The following KIF4A variants were observed in gnomAD, a reference collection of about 807,000 sequenced individuals.
KIF4A encodes the protein chromosome-associated kinesin KIF4A.
A neutral mutation model predicts 105.9 loss-of-function variants in KIF4A; 7 were observed. That is an observed-to-expected ratio of 0.07 (90% CI 0.04 to 0.12). The LOEUF (loss-of-function observed/expected upper bound fraction) is 0.12, where lower values mean the gene tolerates loss of function less well. Ranked by LOEUF, KIF4A falls within the 10% of genes least tolerant of loss-of-function variation. The probability of loss-of-function intolerance (pLI) is 1.00; values close to 1 mark genes in which losing one functional copy is unlikely to be tolerated. For synonymous variants in KIF4A, 281 were observed against 331.3 expected, an observed-to-expected ratio of 0.85 and a Z score of 1.65; for missense variants, 558 against 929.2, an observed-to-expected ratio of 0.60 and a Z score of 5.19.
intron 15 of KIF4A, among the ~76,000 whole-genome samples, chrX:70,373,435 G>A (rs2086149168): frequency 1.1e-5 from 1 of 88,157 alleles, no homozygotes; most frequent in Non-Finnish European, 2.2e-5. Context: ...TGTAATCCTA[G>A]CACTTTGGGA....
At chrX:70,401,557 C>T (rs988148208) in intron 22 of KIF4A, among the ~76,000 whole-genome samples, 3 of 109,594 alleles carry the variant, frequency 2.7e-5, no homozygotes, top group African/African-American at 1.0e-4. Context: ...CCCACCACCA[C>T]GCCTGGCTAA....
intron 13 of KIF4A, among the ~76,000 whole-genome samples, chrX:70,349,329 T>C (rs1314375079): frequency 6.2e-3 from 249 of 40,030 alleles, no homozygotes; most frequent in Non-Finnish European, 6.6e-3. Flanking sequence ...CGGGCAGAGG[T>C]GCTCCTCACT....
chrX:70,360,425 C>T (rs2086070315), intron 15 of KIF4A, among the ~76,000 whole-genome samples: 1 of 112,366 alleles, frequency 8.9e-6, no homozygotes, highest in South Asian at 3.7e-4. Context: ...CCTCAGCAGG[C>T]CGAGCCTTGG....
intron 14 of KIF4A, 115 bp downstream of exon 14, chrX:70,352,771 G>A: frequency 2.1e-6 from 1 of 467,652 alleles, no homozygotes; most frequent in Non-Finnish European, 3.7e-6. Flanking sequence ...TAGAATGCCT[G>A]TTAAATCCAG....
chrX:70,306,437 G>T (rs1231384638), intron 7 of KIF4A, among the ~76,000 whole-genome samples: 2 of 112,455 alleles, frequency 1.8e-5, no homozygotes, highest in African/African-American at 6.5e-5. Context: ...GACCCACTTG[G>T]GAAGTATTGC....
intron 7 of KIF4A, among the ~76,000 whole-genome samples, chrX:70,318,474 A>G (rs189683487): frequency 1.3e-4 from 15 of 111,904 alleles, no homozygotes; most frequent in African/African-American, 4.9e-4. Context: ...AACAACGCCC[A>G]TATGAACCTT....
rs763187169 is a variant in KIF4A, at chrX:70,362,779, G to A, written c.1674+8972G>A. On this transcript the variant is annotated intron_variant, in intron 15 of 30. Transcript: ENST00000374403. ...ACTCCTGACCTTAGGTTATCTGCCC[G>A]CCTCGGCCTCCCAAAGTGCTGGCAT... Among the ~76,000 whole-genome samples the A allele has an allele frequency of 8.1e-5, 9 of 111,533 alleles. No individual in the cohort carries two copies. The South Asian group carries it at 1.5e-3, about 19-fold the overall frequency.
chrX:70,295,077 G>T lies in KIF4A; in HGVS notation c.236-1921G>T, dbSNP rs192823868. Among the ~76,000 whole-genome samples, 11 of 112,281 alleles carry T rather than the reference G, an allele frequency of 9.8e-5. No individual in the cohort carries two copies. In the East Asian group the frequency reaches 3.1e-3, roughly 31 times the overall value. On this transcript the variant is annotated intron_variant, in intron 3 of 30. Transcript: ENST00000374403. ...AGACCTTGTCTCAAAAAACCGGGGA[G>T]GGGGAGTGCTGAGTAACTAGTAATC...
At chrX:70,305,339 C>T (rs774289792) in intron 7 of KIF4A, among the ~76,000 whole-genome samples, 313 of 111,621 alleles carry the variant, frequency 2.8e-3, no homozygotes, top group African/African-American at 9.8e-3. Flanking sequence ...GCATTCACTC[C>T]TTATTTCCCC....
chrX:70,371,204 C>T (rs886217224), intron 15 of KIF4A, among the ~76,000 whole-genome samples: 2 of 104,566 alleles, frequency 1.9e-5, no homozygotes, highest in South Asian at 4.5e-4. Flanking sequence ...GGGTTTTCCA[C>T]TGTCAAACTT....
At chrX:70,351,559 TAAAG>T (rs2086030568) in intron 13 of KIF4A, among the ~76,000 whole-genome samples, 1 of 111,083 alleles carries the variant, frequency 9.0e-6, no homozygotes, top group African/African-American at 3.3e-5. Flanking sequence ...GATGATCAGA[TAAAG>T]AAAATGTGGT....
intron 7 of KIF4A, among the ~76,000 whole-genome samples, chrX:70,320,544 C>T (rs1309374031): frequency 2.7e-5 from 3 of 111,284 alleles, no homozygotes; most frequent in Non-Finnish European, 5.7e-5. Context: ...GATATGGAGG[C>T]CATTATGTTA....
chrX:70,354,060 T>C (rs1270924857), intron 15 of KIF4A, among the ~76,000 whole-genome samples: 1 of 112,560 alleles, frequency 8.9e-6, no homozygotes. Flanking sequence ...ATAATAAATG[T>C]GGTCCCTACT....
At chrX:70,363,403 C>G (rs2086085646) in intron 15 of KIF4A, among the ~76,000 whole-genome samples, 1 of 110,445 alleles carries the variant, frequency 9.1e-6, no homozygotes, top group Non-Finnish European at 1.9e-5. Flanking sequence ...CGTCCCCTGA[C>G]CCCACAACAG....
At chrX:70,402,450 T>G in intron 22 of KIF4A, 116 bp from the exon 23 acceptor site, 13 of 870,955 alleles carry the variant, frequency 1.5e-5, no homozygotes, top group East Asian at 3.3e-5. Context: ...ATTATTTAAA[T>G]GATATTTAAC....
chrX:70,383,743 T>C (rs2086206822), intron 18 of KIF4A, among the ~76,000 whole-genome samples: 1 of 112,280 alleles, frequency 8.9e-6, no homozygotes, highest in Admixed American at 9.5e-5. Flanking sequence ...ACAACATGGA[T>C]GAGGCTTGAA....
intron 13 of KIF4A, 61 bp downstream of exon 13, chrX:70,344,043 T>A (rs2085982326): frequency 1.2e-6 from 1 of 852,125 alleles, no homozygotes; most frequent in Non-Finnish European, 1.7e-6. Context: ...TCTTGACACA[T>A]ACAAGCCTTT....
At chrX:70,388,098 C>T (rs544630481) in intron 20 of KIF4A, among the ~76,000 whole-genome samples, 1 of 111,299 alleles carries the variant, frequency 9.0e-6, no homozygotes, top group Non-Finnish European at 1.9e-5. Flanking sequence ...TCCAGGCAAC[C>T]ATTAATCTGC....
intron 28 of KIF4A, chrX:70,415,302 G>GT (rs60103445): frequency 7.7e-6 from 2 of 258,557 alleles, no homozygotes; most frequent in Non-Finnish European, 7.2e-6. Context: ...GTTTGTTTTT[G>GT]TTTTTTTACA....
Sources: gnomAD v4.1 joint callset for allele counts (sites outside exome capture counted in the v4.1 genomes callset) on GRCh38, gnomAD v4.1.1 for gene constraint, MANE v1.5 for transcripts, NCBI Gene and HGNC (gene_info 2026-07-23, HGNC 2026-07-21) for gene names.